The following VAPB variants were observed in gnomAD, a reference collection of about 807,000 sequenced individuals.
VAPB encodes the protein VAMP associated protein B and C, also known as vesicle-associated membrane protein-associated protein B/C.
Under a neutral mutation model 25.6 loss-of-function variants are expected in VAPB, and 7 were observed. The ratio of observed to expected loss-of-function variants is 0.27; its 90% CI spans 0.16 to 0.51. The LOEUF (loss-of-function observed/expected upper bound fraction) is 0.51. Ranked by LOEUF, VAPB falls within the 20% of genes least tolerant of loss-of-function variation. The pLI, the probability that VAPB is intolerant of heterozygous loss-of-function variation, is 0.97. For synonymous variants in VAPB, 112 were observed against 109.2 expected, an observed-to-expected ratio of 1.03 and a Z score of -0.16; for missense variants, 266 against 301.3, an observed-to-expected ratio of 0.88 and a Z score of 0.87.
At position 58,444,336 on chromosome 20, in the gene VAPB, A is replaced by G. The variant is rs753594794; in HGVS notation, c.*101A>G. On this transcript the variant is annotated 3_prime_UTR_variant, in exon 6 of 6. Transcript: ENST00000475243. Reference sequence around the variant, plus strand: ...TGTAAAAAGAAATTAATGTATGATGACATCTCACAGGTCTTGCCTTTAAAT... The same window carrying G: ...TGTAAAAAGAAATTAATGTATGATGGCATCTCACAGGTCTTGCCTTTAAAT... 2.6e-5 allele frequency: 41 copies of G among 1,568,070 alleles called. No homozygotes were observed. The highest frequency in any genetic ancestry group is 3.2e-5 in the Non-Finnish European group (37 of 1,140,322).
At chr20:58,403,004 CA>C (rs1988136059) in intron 1 of VAPB, among the ~76,000 whole-genome samples, 1 of 151,790 alleles carries the variant, frequency 6.6e-6, no homozygotes, top group Non-Finnish European at 1.5e-5. Flanking sequence ...GACTGTATCT[CA>C]AAAACAAAAA....
At chr20:58,389,965 C>T (rs997653451) in intron 1 of VAPB, among the ~76,000 whole-genome samples, 1 of 152,226 alleles carries the variant, frequency 6.6e-6, no homozygotes, top group Non-Finnish European at 1.5e-5. Flanking sequence ...CTGTCATTCC[C>T]TATTCCGTCA....
intron 2 of VAPB, among the ~76,000 whole-genome samples, chr20:58,432,937 C>G (rs1266051092): frequency 6.6e-6 from 1 of 152,182 alleles, no homozygotes; most frequent in Non-Finnish European, 1.5e-5. Flanking sequence ...AGAAGTCTCC[C>G]AGCAAGGCTT....
At chr20:58,392,562 C>G (rs1016330064) in intron 1 of VAPB, among the ~76,000 whole-genome samples, 1 of 152,184 alleles carries the variant, frequency 6.6e-6, no homozygotes, top group Admixed American at 6.5e-5. Context: ...AATACCCTGA[C>G]TTAGAGATAA....
intron 2 of VAPB, among the ~76,000 whole-genome samples, chr20:58,422,507 C>G (rs1262901772): frequency 6.6e-6 from 1 of 151,828 alleles, no homozygotes; most frequent in Non-Finnish European, 1.5e-5. Flanking sequence ...TCTAGCTTTA[C>G]AAAATTAAAT....
At chr20:58,426,760 T>C (rs1291536843) in intron 2 of VAPB, among the ~76,000 whole-genome samples, 1 of 152,124 alleles carries the variant, frequency 6.6e-6, no homozygotes, top group African/African-American at 2.4e-5. Context: ...GGCAGGGTGA[T>C]TTGGATGGGA....
At chr20:58,406,732 C>T (rs1208454615) in intron 1 of VAPB, among the ~76,000 whole-genome samples, 1 of 152,192 alleles carries the variant, frequency 6.6e-6, no homozygotes, top group Non-Finnish European at 1.5e-5. Context: ...TGCACTTGAA[C>T]TGTTAAAACA....
rs1482454198 is a variant in VAPB at position 58,403,065 on chromosome 20, A to T, written c.58+13548A>T. On this transcript the variant is annotated intron_variant, in intron 1 of 5. Coordinates refer to ENST00000475243, the MANE Select transcript of VAPB (RefSeq NM_004738.5). ...GGAAGAAAGAAGACTTTCAGTGGTG[A>T]AGAGTAATGAAGCCTGTCGGCAGGG... Among the ~76,000 whole-genome samples, 3 of 152,208 alleles carry T rather than the reference A, an allele frequency of 2.0e-5. No individual in the cohort carries two copies. The East Asian group carries it at 5.8e-4, about 29-fold the overall frequency.
chr20:58,429,297 T>C (rs1988876259), intron 2 of VAPB, among the ~76,000 whole-genome samples: 1 of 152,220 alleles, frequency 6.6e-6, no homozygotes, highest in Non-Finnish European at 1.5e-5. Context: ...CATGTAGGCA[T>C]CTGTGTATAT....
At chr20:58,394,471 A>G (rs1987898347) in intron 1 of VAPB, among the ~76,000 whole-genome samples, 1 of 152,260 alleles carries the variant, frequency 6.6e-6, no homozygotes, top group Non-Finnish European at 1.5e-5. Context: ...ACTGTGCTTT[A>G]CAGCACAACA....
rs1989257304 is a variant in VAPB, at chr20:58,445,261, T to C, written c.*1026T>C. The C allele has an allele frequency of 4.4e-6, 2 of 454,172 alleles. No homozygotes were observed. The highest frequency in any genetic ancestry group is 8.8e-6 in the Non-Finnish European group (2 of 226,794). 28.1% of individuals were successfully genotyped at this position (454,172 alleles called of 1,614,324 possible). A position where few individuals can be genotyped will look rare whatever the true frequency, so the allele number is the denominator to read the frequency against. ...TTCTAGATTGTTCTTATACCACCTC[T>C]CAACCATTACTCACACTTCCAGCGC... On this transcript the variant is annotated 3_prime_UTR_variant, in exon 6 of 6. Transcript: ENST00000475243.
chr20:58,440,617 C>T (rs566792628), intron 4 of VAPB: 28 of 329,256 alleles, frequency 8.5e-5, no homozygotes, highest in Middle Eastern at 1.0e-3. Context: ...CTGATTTTTC[C>T]GTGGCAGGAA....
Position 58,446,008 on chromosome 20 carries a change from G to A in VAPB, c.*1773G>A, listed in dbSNP as rs75999456. The A allele has an allele frequency of 1.0e-3, 468 of 454,054 alleles. No individual in the cohort carries two copies. Among genetic ancestry groups the A allele is most frequent in the African/African-American group, 4.3e-3 (217 of 50,102 alleles). The allele number at this position is 454,054 out of a possible 1,614,324, so 28.1% of individuals were successfully genotyped here. A position where few individuals can be genotyped will look rare whatever the true frequency, so the allele number is the denominator to read the frequency against. ...CTGGCTCTGTCAAGCTGGGTCAGGG[G>A]CCTTGAAACTGGAGAAGTGGAAGTC... On this transcript the variant is annotated 3_prime_UTR_variant, in exon 6 of 6. Coordinates refer to ENST00000475243, the MANE Select transcript of VAPB (RefSeq NM_004738.5).
At chr20:58,404,369 CTG>C (rs1988175817) in intron 1 of VAPB, among the ~76,000 whole-genome samples, 2 of 152,194 alleles carry the variant, frequency 1.3e-5, no homozygotes, top group Non-Finnish European at 2.9e-5. Context: ...CGTTATCACA[CTG>C]TACTTTCACC....
At position 58,405,845 on chromosome 20, in the gene VAPB, C is replaced by T. The variant is rs188761712; in HGVS notation, c.59-12366C>T. ...ACTCGGCTCACTGTAACCTCCCCCT[C>T]CCAGTTCAAGCAATTCTCCTGCCTC... is the stretch of plus-strand genomic sequence containing the variant. On this transcript the variant is annotated intron_variant, in intron 1 of 5. Coordinates refer to ENST00000475243, the MANE Select transcript of VAPB (RefSeq NM_004738.5). Among the ~76,000 whole-genome samples the T allele has an allele frequency of 1.1e-3, 173 of 150,722 alleles. No homozygotes were observed. In the Middle Eastern group the frequency reaches 0.014, roughly 12 times the overall value.
chr20:58,441,370 G>A (rs546295608), intron 5 of VAPB, among the ~76,000 whole-genome samples: 2 of 152,038 alleles, frequency 1.3e-5, no homozygotes, highest in African/African-American at 4.8e-5. Flanking sequence ...GGCCGGGTGC[G>A]GTGGCTCACG....
At chr20:58,442,839 C>T (rs921673236) in intron 5 of VAPB, among the ~76,000 whole-genome samples, 3 of 152,070 alleles carry the variant, frequency 2.0e-5, no homozygotes, top group Non-Finnish European at 4.4e-5. Flanking sequence ...TGCCTGTGGT[C>T]CCCAGGACCT....
At chr20:58,435,004 C>G (rs1989010408) in intron 3 of VAPB, among the ~76,000 whole-genome samples, 2 of 152,090 alleles carry the variant, frequency 1.3e-5, no homozygotes, top group African/African-American at 4.8e-5. Context: ...GGATTGCCTT[C>G]TTTCGCCTCT....
At chr20:58,443,767 G>A (rs1989213840) in intron 5 of VAPB, among the ~76,000 whole-genome samples, 1 of 152,054 alleles carries the variant, frequency 6.6e-6, no homozygotes, top group African/African-American at 2.4e-5. Flanking sequence ...GGGTGCAAAG[G>A]GCCCAGTTGA....
Sources: allele counts gnomAD v4.1 joint callset (sites outside exome capture counted in the v4.1 genomes callset), GRCh38; gene constraint gnomAD v4.1.1; transcripts MANE v1.5; gene names NCBI Gene and HGNC (gene_info 2026-07-23, HGNC 2026-07-21).